Variants in GRM1 observed in about 807,000 individuals in gnomAD.
The protein encoded by GRM1 is metabotropic glutamate receptor 1.
A neutral mutation model predicts 90.9 loss-of-function variants in GRM1; 33 were observed. The observed-to-expected ratio is 0.36, with a 90% CI of 0.28 to 0.49. The LOEUF (loss-of-function observed/expected upper bound fraction) is 0.49, where lower values mean the gene tolerates loss of function less well. GRM1 is among the 20% of genes least tolerant of loss of function. The pLI is 0.99. For missense variants in GRM1, 1,190 were observed against 1,534.3 expected, an observed-to-expected ratio of 0.78 and a Z score of 3.75; for synonymous variants, 700 against 613.2, an observed-to-expected ratio of 1.14 and a Z score of -2.09.
intron 1 of GRM1, among the ~76,000 whole-genome samples, chr6:146,126,711 C>T (rs1583039497): frequency 1.3e-5 from 2 of 152,204 alleles, no homozygotes; most frequent in East Asian, 3.9e-4. Flanking sequence ...TAATTTTATT[C>T]ATTAATTTTA....
intron 6 of GRM1, among the ~76,000 whole-genome samples, chr6:146,391,717 GAAAAGAAA>G (rs1321880894): frequency 6.6e-6 from 1 of 151,426 alleles, no homozygotes; most frequent in East Asian, 1.9e-4. Context: ...AATAAAGAAA[GAAAAGAAA>G]AAAAGGAAAA....
At chr6:146,353,832 G>A (rs756896438) in intron 4 of GRM1, among the ~76,000 whole-genome samples, 4 of 152,176 alleles carry the variant, frequency 2.6e-5, no homozygotes, top group Middle Eastern at 6.8e-3. Context: ...GGGTTTCACC[G>A]TGTTGGCCAG....
At chr6:146,183,414 A>G (rs183622827) in intron 2 of GRM1, among the ~76,000 whole-genome samples, 1 of 152,172 alleles carries the variant, frequency 6.6e-6, no homozygotes, top group Non-Finnish European at 1.5e-5. Flanking sequence ...TTTGGGAGAC[A>G]ACTGTCATTT....
rs9373489 is a variant in GRM1 at position 146,366,466 on chromosome 6, C to T, written c.1602+8772C>T. ...TTTTCTATCTAACTGTATTTTTATACGCATTAACCAGTCTCTCTTCATTCA... is the reference window on the plus strand; with the variant it reads ...TTTTCTATCTAACTGTATTTTTATATGCATTAACCAGTCTCTCTTCATTCA... On this transcript the variant is annotated intron_variant, in intron 5 of 7. Coordinates refer to ENST00000282753, the MANE Select transcript of GRM1 (RefSeq NM_001278064.2). Among the ~76,000 whole-genome samples the T allele has an allele frequency of 0.014, 2,085 of 152,030 alleles. 76 individuals carry two copies. The East Asian group carries it at 0.15, about 11-fold the overall frequency.
At chr6:146,266,392 A>G (rs1293069194) in intron 2 of GRM1, among the ~76,000 whole-genome samples, 2 of 152,070 alleles carry the variant, frequency 1.3e-5, no homozygotes, top group African/African-American at 4.8e-5. Flanking sequence ...TTCAATTCTC[A>G]TTCTTCTATT....
At chr6:146,079,629 C>G (rs1562449575) in intron 1 of GRM1, among the ~76,000 whole-genome samples, 2 of 152,176 alleles carry the variant, frequency 1.3e-5, no homozygotes, top group Admixed American at 6.6e-5. Flanking sequence ...CCTCCCTCCT[C>G]CCATTTTGTA....
At position 146,301,508 on chromosome 6, in the gene GRM1, G is replaced by A. The variant is rs558233074; in HGVS notation, c.951-3103G>A. Among the ~76,000 whole-genome samples, 40 of 152,160 alleles carry A rather than the reference G, an allele frequency of 2.6e-4. 1 individual carries two copies. In the South Asian group the frequency reaches 5.0e-3, roughly 19 times the overall value. On this transcript the variant is annotated intron_variant, in intron 2 of 7. Transcript: ENST00000282753. ...ATGAACATCACAGCAAGTTCATTTC[G>A]TACACATTTTTATGATGGTGACTTT... is the stretch of plus-strand genomic sequence containing the variant.
At chr6:146,228,292 AG>A (rs1780321551) in intron 2 of GRM1, among the ~76,000 whole-genome samples, 1 of 152,224 alleles carries the variant, frequency 6.6e-6, no homozygotes, top group Admixed American at 6.5e-5. Flanking sequence ...GTCCCAGAGC[AG>A]GTGCTGGTGT....
At chr6:146,336,393 G>A (rs1268466100) in intron 3 of GRM1, among the ~76,000 whole-genome samples, 1 of 152,172 alleles carries the variant, frequency 6.6e-6, no homozygotes, top group Non-Finnish European at 1.5e-5. Flanking sequence ...CTGATTCCAG[G>A]AAATCCTCTG....
intron 2 of GRM1, among the ~76,000 whole-genome samples, chr6:146,178,740 T>A (rs12527140): frequency 0.25 from 37,847 of 152,094 alleles, 8,223 homozygotes; most frequent in African/African-American, 0.59. Flanking sequence ...ATGTATTTTT[T>A]AAAATTTCTC....
At chr6:146,140,888 C>T (rs535178350) in intron 1 of GRM1, among the ~76,000 whole-genome samples, 1 of 152,098 alleles carries the variant, frequency 6.6e-6, no homozygotes, top group East Asian at 1.9e-4. Flanking sequence ...GTCTTTCTAC[C>T]TAAGATGTGA....
At chr6:146,384,346 C>T (rs1302917966) in intron 5 of GRM1, among the ~76,000 whole-genome samples, 2 of 152,020 alleles carry the variant, frequency 1.3e-5, no homozygotes, top group Non-Finnish European at 2.9e-5. Flanking sequence ...TTCCAGCAGC[C>T]AGAGTAGAGA....
At chr6:146,159,787 T>G in intron 2 of GRM1, 190 bp downstream of exon 2, 1 of 589,916 alleles carries the variant, frequency 1.7e-6, no homozygotes, top group East Asian at 3.0e-5. Context: ...TATTGGCATC[T>G]TCCTGCTAAA....
intron 1 of GRM1, among the ~76,000 whole-genome samples, chr6:146,095,890 GA>G (rs1382897229): frequency 2.0e-5 from 3 of 152,074 alleles, no homozygotes; most frequent in African/African-American, 7.2e-5. Flanking sequence ...GCTTTTTCTT[GA>G]ACATCTCCAG....
rs74726309 is a variant in GRM1, at chr6:146,381,234, C to T, written c.1603-5656C>T. 9.6e-3 allele frequency among the ~76,000 whole-genome samples: 1,469 copies of T among 152,308 alleles called. 22 individuals carry two copies. The highest frequency in any genetic ancestry group is 0.034 in the African/African-American group (1,398 of 41,558). On this transcript the variant is annotated intron_variant, in intron 5 of 7. Coordinates refer to ENST00000282753, the MANE Select transcript of GRM1 (RefSeq NM_001278064.2). ...AATCCTTATGATCTAGACTGCCTTT[C>T]AAGTTTACTTGGAGAAACAGTATCC...
intron 3 of GRM1, among the ~76,000 whole-genome samples, chr6:146,342,197 A>C (rs1709708831): frequency 6.6e-6 from 1 of 152,136 alleles, no homozygotes; most frequent in Non-Finnish European, 1.5e-5. Flanking sequence ...TTGCCTGTTG[A>C]TTTTTAACCT....
At chr6:146,143,609 A>G (rs541304991) in intron 1 of GRM1, among the ~76,000 whole-genome samples, 2 of 152,362 alleles carry the variant, frequency 1.3e-5, no homozygotes, top group Admixed American at 6.5e-5. Flanking sequence ...ATTGGCAAAA[A>G]TGAATCTGCA....
intron 1 of GRM1, among the ~76,000 whole-genome samples, chr6:146,062,209 T>G (rs578148447): frequency 6.6e-6 from 1 of 152,216 alleles, no homozygotes; most frequent in South Asian, 2.1e-4. Context: ...TGGATGAAGC[T>G]GGAAACCATC....
chr6:146,067,632 C>T (rs936929974), intron 1 of GRM1, among the ~76,000 whole-genome samples: 9 of 151,814 alleles, frequency 5.9e-5, no homozygotes, highest in African/African-American at 9.7e-5. Context: ...TTCAAAATAC[C>T]TATCTATCAC....
Sources: allele counts gnomAD v4.1 joint callset (sites outside exome capture counted in the v4.1 genomes callset), GRCh38; gene constraint gnomAD v4.1.1; transcripts MANE v1.5; gene names NCBI Gene and HGNC (gene_info 2026-07-23, HGNC 2026-07-21).